CERS6: variants seen among roughly 807,000 people sequenced by gnomAD.
The protein encoded by CERS6 is ceramide synthase 6, also known as LAG1 homolog, ceramide synthase 6.
A neutral mutation model predicts 56.8 loss-of-function variants in CERS6; 26 were observed. The observed-to-expected ratio is 0.46, with a 90% CI of 0.34 to 0.63. The LOEUF (loss-of-function observed/expected upper bound fraction) is 0.63, where lower values mean the gene tolerates loss of function less well. Ranked by LOEUF, CERS6 falls within the 30% of genes least tolerant of loss-of-function variation. The pLI is 0.01. For missense variants in CERS6, 415 were observed against 467.5 expected, an observed-to-expected ratio of 0.89 and a Z score of 1.04; for synonymous variants, 164 against 173.3, an observed-to-expected ratio of 0.95 and a Z score of 0.42.
At chr2:168,659,242 A>G (rs975676370) in intron 4 of CERS6, among the ~76,000 whole-genome samples, 2 of 152,160 alleles carry the variant, frequency 1.3e-5, no homozygotes, top group South Asian at 4.1e-4. Flanking sequence ...TTTTAATTCC[A>G]TATTTTAAAA....
At chr2:168,668,688 A>G (rs1685830542) in intron 4 of CERS6, among the ~76,000 whole-genome samples, 1 of 152,124 alleles carries the variant, frequency 6.6e-6, no homozygotes, top group Non-Finnish European at 1.5e-5. Flanking sequence ...TCCTGACCTC[A>G]GGTAATCTGC....
Position 168,492,626 on chromosome 2 carries a change from C to A in CERS6, c.170+36008C>A, listed in dbSNP as rs151041952. 6.2e-3 allele frequency among the ~76,000 whole-genome samples: 940 copies of A among 152,186 alleles called. 9 individuals are homozygous for A. Among genetic ancestry groups the A allele is most frequent in the African/African-American group, 0.02 (848 of 41,506 alleles). ...AGAAGCTCTTCAGTTTAATTAGATC[C>A]CATTTGTCGATTTTGGCTTTTGTTG... On this transcript the variant is annotated intron_variant, in intron 1 of 9. Coordinates refer to ENST00000305747, the MANE Select transcript of CERS6 (RefSeq NM_203463.3).
chr2:168,639,201 A>G (rs554930346), intron 4 of CERS6, among the ~76,000 whole-genome samples: 2 of 152,344 alleles, frequency 1.3e-5, no homozygotes, highest in South Asian at 4.1e-4. Context: ...CTGTGACAAA[A>G]CTAGCTTTAC....
intron 4 of CERS6, among the ~76,000 whole-genome samples, chr2:168,661,337 G>C (rs1005284891): frequency 2.0e-5 from 3 of 152,184 alleles, no homozygotes; most frequent in Non-Finnish European, 4.4e-5. Context: ...TAGACTAGCA[G>C]CTAGAGAATT....
At chr2:168,758,569 C>A (rs903033146) in intron 8 of CERS6, among the ~76,000 whole-genome samples, 3 of 152,150 alleles carry the variant, frequency 2.0e-5, no homozygotes, top group African/African-American at 7.2e-5. Flanking sequence ...AAAACATGCA[C>A]CTGTAACCCA....
intron 3 of CERS6, among the ~76,000 whole-genome samples, chr2:168,624,460 A>G (rs1684545396): frequency 6.6e-6 from 1 of 152,150 alleles, no homozygotes; most frequent in Non-Finnish European, 1.5e-5. Context: ...GTACGATGGG[A>G]ATGATAGTGG....
chr2:168,456,425 C>T lies in CERS6; in HGVS notation c.-24C>T. 4 of 1,568,846 alleles carry T rather than the reference C, an allele frequency of 2.5e-6. No homozygotes were observed. The highest frequency in any genetic ancestry group is 3.5e-6 in the Non-Finnish European group (4 of 1,155,438). On this transcript the variant is annotated 5_prime_UTR_variant, in exon 1 of 10. Transcript: ENST00000305747. The surrounding 1 kb of genome is among the most constrained non-coding windows in gnomAD (Gnocchi z 4.1). Reference sequence around the variant, plus strand: ...AGAGCTTGGCGGGCTGCGGGTGCCGCAGGACAGGAGTGGACAAAGCAAGAT... The same window carrying T: ...AGAGCTTGGCGGGCTGCGGGTGCCGTAGGACAGGAGTGGACAAAGCAAGAT...
At chr2:168,592,478 G>C (rs1414983392) in intron 3 of CERS6, among the ~76,000 whole-genome samples, 2 of 152,150 alleles carry the variant, frequency 1.3e-5, no homozygotes. Flanking sequence ...TGAGGGTTTT[G>C]AGCAGGAAGG....
chr2:168,744,763 G>A (rs905789156), intron 8 of CERS6, among the ~76,000 whole-genome samples: 2 of 152,198 alleles, frequency 1.3e-5, no homozygotes, highest in Non-Finnish European at 2.9e-5. Flanking sequence ...GAGCAGGAAT[G>A]GATCAACAGA....
chr2:168,726,981 A>G (rs907111673), intron 8 of CERS6, among the ~76,000 whole-genome samples: 5 of 152,200 alleles, frequency 3.3e-5, no homozygotes, highest in African/African-American at 1.2e-4. Context: ...CCAGTTTGCC[A>G]TATTCTCACA....
chr2:168,564,562 A>C (rs1359096950), intron 3 of CERS6, among the ~76,000 whole-genome samples: 1 of 152,148 alleles, frequency 6.6e-6, no homozygotes, highest in Non-Finnish European at 1.5e-5. Context: ...GATAACTAGA[A>C]TCTGTCTTTT....
intron 6 of CERS6, among the ~76,000 whole-genome samples, chr2:168,711,924 GAA>G (rs1366559869): frequency 1.3e-5 from 2 of 150,430 alleles, no homozygotes; most frequent in Admixed American, 6.6e-5. Flanking sequence ...GTTTAAAATA[GAA>G]ATTGCCTTAA....
intron 8 of CERS6, among the ~76,000 whole-genome samples, chr2:168,724,757 T>C (rs896179682): frequency 1.3e-5 from 2 of 152,136 alleles, no homozygotes; most frequent in African/African-American, 2.4e-5. Flanking sequence ...AGAGTGCCGA[T>C]TGGTGTATTT....
At chr2:168,505,396 A>AG (rs768010840) in intron 1 of CERS6, among the ~76,000 whole-genome samples, 15 of 150,296 alleles carry the variant, frequency 1.0e-4, no homozygotes, top group South Asian at 4.2e-4. Context: ...AAAAAAAAAA[A>AG]AAAAAGAAAA....
At position 168,527,389 on chromosome 2, in the gene CERS6, C is replaced by T. The variant is rs559979472; in HGVS notation, c.171-20207C>T. 3.3e-5 allele frequency among the ~76,000 whole-genome samples: 5 copies of T among 152,234 alleles called. No homozygotes were observed. In the East Asian group the frequency reaches 5.8e-4, roughly 18 times the overall value. ...TGTCATATTATTATCACCCAAAGTCCATGGTTTACTTTAGGGTTCCTTCTT... is the reference window on the plus strand; with the variant it reads ...TGTCATATTATTATCACCCAAAGTCTATGGTTTACTTTAGGGTTCCTTCTT... On this transcript the variant is annotated intron_variant, in intron 1 of 9. Coordinates refer to ENST00000305747, the MANE Select transcript of CERS6 (RefSeq NM_203463.3).
intron 8 of CERS6, among the ~76,000 whole-genome samples, chr2:168,739,971 A>G (rs551530618): frequency 1.3e-5 from 2 of 152,090 alleles, no homozygotes; most frequent in Non-Finnish European, 2.9e-5. Context: ...CGGCCTTCCA[A>G]ATTACAGGCA....
chr2:168,768,303 C>T (rs944431924), intron 9 of CERS6, among the ~76,000 whole-genome samples: 2 of 151,582 alleles, frequency 1.3e-5, no homozygotes. Flanking sequence ...GATCTTGGCT[C>T]ACCGCAACCT....
intron 3 of CERS6, among the ~76,000 whole-genome samples, chr2:168,565,863 A>C (rs1026685853): frequency 6.6e-6 from 1 of 152,192 alleles, no homozygotes; most frequent in Non-Finnish European, 1.5e-5. Flanking sequence ...AATTTATAAA[A>C]ATGAGATGTC....
chr2:168,466,017 T>G lies in CERS6; in HGVS notation c.170+9399T>G, dbSNP rs947131813. ...CAGTTTCATCAAGCACTGCTTTTTT[T>G]TTTTTTTAACTGCTTAATTCCCCTC... On this transcript the variant is annotated intron_variant, in intron 1 of 9. Transcript: ENST00000305747. 1.7e-4 allele frequency among the ~76,000 whole-genome samples: 26 copies of G among 152,216 alleles called. 1 individual carries two copies. Among genetic ancestry groups the G allele is most frequent in the South Asian group, 1.7e-3 (8 of 4,810 alleles).
Sources: gnomAD v4.1 joint callset for allele counts (sites outside exome capture counted in the v4.1 genomes callset) on GRCh38, gnomAD v4.1.1 for gene constraint, Gnocchi (gnomAD v3.1) non-coding constraint, MANE v1.5 for transcripts, NCBI Gene and HGNC (gene_info 2026-07-23, HGNC 2026-07-21) for gene names.